Variants in RHPN2 observed in about 807,000 individuals in gnomAD.
RHPN2 encodes the protein rhophilin-2.
RHPN2 carries 40 observed loss-of-function variants against 79.0 expected under a neutral mutation model. The ratio of observed to expected loss-of-function variants is 0.51; its 90% confidence interval spans 0.39 to 0.66. The LOEUF is 0.66. Among genes scored for constraint, RHPN2 ranks in the 30% least tolerant of loss-of-function variants. The pLI is 0.00. For synonymous variants in RHPN2, 285 were observed against 363.5 expected (o/e 0.78, Z 2.46); for missense variants, 686 against 883.5 (o/e 0.78, Z 2.83).
chr19:33,047,612 T>A (rs1972152402), intron 1 of RHPN2, among the ~76,000 whole-genome samples: 1 of 152,110 alleles, frequency 6.6e-6, no homozygotes, highest in Admixed American at 6.6e-5. Context: ...CTGAGTCACA[T>A]CTCAGGCCTG....
chr19:33,011,974 GT>G (rs1971838968), intron 5 of RHPN2, among the ~76,000 whole-genome samples, 171 bp from the exon 6 acceptor site: 1 of 151,826 alleles, frequency 6.6e-6, no homozygotes, highest in African/African-American at 2.4e-5. Context: ...CTGGGAGGAA[GT>G]CAGAAATCCT....
chr19:33,060,657 T>A lies in RHPN2; in HGVS notation c.69+4127A>T, dbSNP rs1974784. 2.3e-4 allele frequency among the ~76,000 whole-genome samples: 35 copies of A among 152,040 alleles called. No homozygotes were observed. The South Asian group carries it at 6.8e-3, about 30-fold the overall frequency. On this transcript the variant is annotated intron_variant, in intron 1 of 14. Transcript: ENST00000254260. ...CGGATATCCTCCCACCTAGGCCTCC[T>A]GAGTATATGGGATTACAGGAACACA...
intron 1 of RHPN2, among the ~76,000 whole-genome samples, chr19:33,050,046 C>T (rs1972174601): frequency 6.6e-6 from 1 of 152,152 alleles, no homozygotes; most frequent in Non-Finnish European, 1.5e-5. Flanking sequence ...GTGTGTAAAT[C>T]CATGCTCCCC....
chr19:33,002,789 G>A, intron 8 of RHPN2, 24 bp downstream of exon 8: 2 of 1,612,528 alleles, frequency 1.2e-6, no homozygotes, highest in South Asian at 1.1e-5. Flanking sequence ...ACTCCCCAAA[G>A]TCACAGGAAC....
intron 14 of RHPN2, among the ~76,000 whole-genome samples, chr19:32,987,357 G>C (rs989420682): frequency 6.6e-5 from 10 of 152,120 alleles, no homozygotes; most frequent in African/African-American, 2.2e-4. Context: ...CCTATGCTGA[G>C]CATTTTATAT....
intron 4 of RHPN2, among the ~76,000 whole-genome samples, chr19:33,015,197 G>A (rs1971867434): frequency 6.6e-6 from 1 of 152,118 alleles, no homozygotes; most frequent in Admixed American, 6.6e-5. Flanking sequence ...GGCCAAGGCA[G>A]GTGGATCACT....
chr19:33,053,116 A>C (rs1196628293), intron 1 of RHPN2, among the ~76,000 whole-genome samples: 1 of 150,352 alleles, frequency 6.7e-6, no homozygotes, highest in Non-Finnish European at 1.5e-5. Flanking sequence ...GGATTACAGG[A>C]ATGTGCCAAC....
intron 12 of RHPN2, among the ~76,000 whole-genome samples, chr19:32,992,855 C>G (rs1046814506): frequency 1.3e-5 from 2 of 150,374 alleles, no homozygotes; most frequent in Admixed American, 6.6e-5. Flanking sequence ...AGGCCAGGCA[C>G]AGTGGCTCAT....
chr19:32,986,179 C>G (rs1971611709), intron 14 of RHPN2, among the ~76,000 whole-genome samples: 1 of 152,170 alleles, frequency 6.6e-6, no homozygotes, highest in Non-Finnish European at 1.5e-5. Flanking sequence ...AGTGCAGAAC[C>G]CTTGCTTTCA....
At chr19:33,060,273 G>C (rs919634884) in intron 1 of RHPN2, among the ~76,000 whole-genome samples, 1 of 152,052 alleles carries the variant, frequency 6.6e-6, no homozygotes, top group Non-Finnish European at 1.5e-5. Flanking sequence ...AGCCTCCTGA[G>C]TAGGTGGGAC....
intron 1 of RHPN2, among the ~76,000 whole-genome samples, chr19:33,063,305 A>C (rs1972297707): frequency 9.2e-5 from 14 of 152,062 alleles, no homozygotes; most frequent in Admixed American, 9.2e-4. Flanking sequence ...AACTTCACAA[A>C]AAAGAAGTTT....
chr19:32,983,055 TACAC>T (rs57230466), intron 14 of RHPN2, among the ~76,000 whole-genome samples: 7,920 of 103,248 alleles, frequency 0.077, 317 homozygotes, highest in East Asian at 0.17. Flanking sequence ...CCCAGATCTC[TACAC>T]ACACACACAC....
At chr19:33,031,319 GGC>G (rs1156636721) in intron 2 of RHPN2, among the ~76,000 whole-genome samples, 1 of 98,818 alleles carries the variant, frequency 1.0e-5, no homozygotes, top group Non-Finnish European at 1.7e-5. Context: ...GGAGTGCAGT[GGC>G]ACATCATGGC....
At chr19:32,995,328 C>T (rs984356976) in intron 11 of RHPN2, among the ~76,000 whole-genome samples, 39 of 151,824 alleles carry the variant, frequency 2.6e-4, no homozygotes, top group African/African-American at 9.0e-4. Flanking sequence ...CCTCCTGCCT[C>T]GGCCTCCCAA....
intron 2 of RHPN2, among the ~76,000 whole-genome samples, chr19:33,040,361 C>T (rs920399886): frequency 1.3e-5 from 2 of 151,428 alleles, no homozygotes; most frequent in African/African-American, 4.9e-5. Context: ...CTCAGCCTCC[C>T]GAGTAGCTGG....
intron 7 of RHPN2, among the ~76,000 whole-genome samples, chr19:33,004,634 T>A (rs1971776194): frequency 6.6e-6 from 1 of 151,812 alleles, no homozygotes; most frequent in African/African-American, 2.4e-5. Flanking sequence ...ACACCCAGGC[T>A]GGAGTGCAGT....
At chr19:33,022,501 G>A (rs1412396329) in intron 3 of RHPN2, among the ~76,000 whole-genome samples, 2 of 152,098 alleles carry the variant, frequency 1.3e-5, no homozygotes, top group Admixed American at 1.3e-4. Context: ...ACCGGCACAG[G>A]AGATGCCGTC....
chr19:33,049,955 C>A (rs1276096970), intron 1 of RHPN2, among the ~76,000 whole-genome samples: 2 of 152,148 alleles, frequency 1.3e-5, no homozygotes, highest in East Asian at 3.9e-4. Context: ...CACCATCACC[C>A]CACATCTTTT....
chr19:32,993,903 A>C, intron 12 of RHPN2, 74 bp downstream of exon 12: 1 of 1,087,492 alleles, frequency 9.2e-7, no homozygotes, highest in Non-Finnish European at 1.4e-6. Context: ...GCCCACATGG[A>C]CTAAGACACC....
Sources: gnomAD v4.1 joint callset for allele counts (sites outside exome capture counted in the v4.1 genomes callset) on GRCh38, gnomAD v4.1.1 for gene constraint, MANE v1.5 for transcripts, NCBI Gene and HGNC (gene_info 2026-07-23, HGNC 2026-07-21) for gene names.